Variants in SRSF5 observed in about 807,000 individuals in gnomAD.
SRSF5 encodes the protein serine and arginine rich splicing factor 5.
Under a neutral mutation model 34.0 loss-of-function variants are expected in SRSF5, and 5 were observed. The ratio of observed to expected loss-of-function variants is 0.15; its 90% CI spans 0.08 to 0.31. The LOEUF is 0.31. Ranked by LOEUF, SRSF5 falls within the 10% of genes least tolerant of loss-of-function variation. The pLI is 1.00. For synonymous variants in SRSF5, 164 were observed against 117.7 expected (o/e 1.39, Z -2.55); for missense variants, 223 against 351.4 (o/e 0.63, Z 2.92).
intron 5 of SRSF5, chr14:69,770,254 T>C (rs1032208472): frequency 2.2e-6 from 3 of 1,351,296 alleles, no homozygotes; most frequent in Non-Finnish European, 2.8e-6. Context: ...TGAATTTCTT[T>C]TAGCATTTTG....
chr14:69,767,487 C>T (rs139164757), intron 1 of SRSF5: 1 of 455,862 alleles, frequency 2.2e-6, no homozygotes, highest in African/African-American at 2.0e-5. Flanking sequence ...TGCGCCCGTC[C>T]CTGCCAGTCT....
intron 5 of SRSF5, chr14:69,769,493 A>G (rs1566626946): frequency 2.6e-6 from 4 of 1,535,438 alleles, no homozygotes; most frequent in Non-Finnish European, 3.5e-6. Context: ...ACCAAATATT[A>G]AACCCTTTAT....
intron 4 of SRSF5, 137 bp from the exon 5 acceptor site, chr14:69,769,045 T>A (rs905127550): frequency 6.2e-6 from 8 of 1,287,034 alleles, no homozygotes; most frequent in South Asian, 4.9e-5. Context: ...TGAATCTATA[T>A]GAGTCATAGA....
Position 69,770,481 on chromosome 14 carries a change from C to T in SRSF5, c.381C>T (p.Phe127=), listed in dbSNP as rs768069967. Residue 127 remains phenylalanine (F), a synonymous_variant, in exon 6 of 8, where the codon TTC becomes TTT. Transcript: ENST00000557154. ...SRVSWQDLKD[F]MRQAGEVTFA... ...CTTGTGTTAAGGATCTCAAAGATTT[C>T]ATGAGACAAGCTGGGGAAGTAACGT... 11 of 1,613,940 alleles carry T rather than the reference C, an allele frequency of 6.8e-6. No individual in the cohort carries two copies. The South Asian group carries it at 1.1e-4, about 16-fold the overall frequency.
chr14:69,770,622 A>G, intron 6 of SRSF5, 82 bp downstream of exon 6: 1 of 1,230,384 alleles, frequency 8.1e-7, no homozygotes, highest in Non-Finnish European at 1.2e-6. Flanking sequence ...TTAAAATTTG[A>G]ATATGTTAGA....
chr14:69,770,387 G>C, intron 5 of SRSF5, 80 bp from the exon 6 acceptor site: 1 of 1,561,350 alleles, frequency 6.4e-7, no homozygotes, highest in East Asian at 2.3e-5. Context: ...TCTTTCAGTA[G>C]TCTTGTTTTT....
intron 1 of SRSF5, chr14:69,767,464 T>G (rs1215767184): frequency 2.2e-6 from 1 of 455,998 alleles, no homozygotes; most frequent in Non-Finnish European, 4.4e-6. Flanking sequence ...GGGTCGTTTT[T>G]ACACAGCGGT....
rs936915773 is a variant in SRSF5 at position 69,767,885 on chromosome 14, G to A, written c.-19-253G>A. 6.8e-6 allele frequency: 3 copies of A among 441,378 alleles called. No homozygotes were observed. The East Asian group carries it at 1.4e-4, about 21-fold the overall frequency. The allele number at this position is 441,378 out of a possible 1,614,324, so 27.3% of individuals were successfully genotyped here. A position where few individuals can be genotyped will look rare whatever the true frequency, so the allele number is the denominator to read the frequency against. On this transcript the variant is annotated intron_variant, in intron 1 of 7. Transcript: ENST00000557154. Reference sequence around the variant, plus strand: ...GGGCCGGAGAGCCCGGAGAGTGTGCGGCTGCGCAGTTGGAAAGGTGGCAGT... The same window carrying A: ...GGGCCGGAGAGCCCGGAGAGTGTGCAGCTGCGCAGTTGGAAAGGTGGCAGT...
chr14:69,769,105 G>A (rs748923565), intron 4 of SRSF5, 77 bp from the exon 5 acceptor site: 6 of 1,536,772 alleles, frequency 3.9e-6, no homozygotes, highest in Non-Finnish European at 3.6e-6. Flanking sequence ...ATATCTGATG[G>A]CTTGAACTTG....
intron 5 of SRSF5, chr14:69,770,120 ACTT>A: frequency 2.9e-6 from 3 of 1,036,090 alleles, no homozygotes; most frequent in Middle Eastern, 4.7e-4. Flanking sequence ...TTTAAATAAA[ACTT>A]CTCTACTTTA....
Position 69,769,202 on chromosome 14 carries a change from C to A in SRSF5, c.317C>A (p.Thr106Lys). The change falls in exon 5 of 8, where the codon ACA becomes AAA. Residue 106 changes from threonine (T) to lysine (K), a missense_variant. By Grantham distance (78) the Thr-to-Lys change is moderately conservative. Transcript: ENST00000557154. ...CTCAGAAATGCTCCACCTGTAAGAA[C>A]AGAAAATCGTCTTATAGTTGAGAAT... ...NDRRNAPPVR[T>K]ENRLIVENLS... The A allele has an allele frequency of 6.2e-7, 1 of 1,614,162 alleles. No individual in the cohort carries two copies. Among genetic ancestry groups the A allele is most frequent in the South Asian group, 1.1e-5 (1 of 91,088 alleles).
chr14:69,769,979 A>G, intron 5 of SRSF5: 3 of 1,046,270 alleles, frequency 2.9e-6, no homozygotes, highest in African/African-American at 1.7e-5. Context: ...GGCATATGTC[A>G]TGAAGGTTTC....
chr14:69,771,365 A>G lies in SRSF5; in HGVS notation c.723A>G (p.Lys241=), dbSNP rs1436317648. ...CTCCCGTGCCTGAGAAGAGCCAGAA[A>G]CGTGGTTCTTCAAGTAGATCTAAGT... ...SRSPVPEKSQ[K]RGSSSRSKSP... The change falls in exon 8 of 8, where the codon AAA becomes AAG. Residue 241 remains lysine (K), a synonymous_variant. Transcript: ENST00000557154. 1 of 1,614,200 alleles carries G rather than the reference A, an allele frequency of 6.2e-7. No individual in the cohort carries two copies. The highest frequency in any genetic ancestry group is 1.7e-5 in the Admixed American group (1 of 60,028).
intron 6 of SRSF5, 132 bp downstream of exon 6, chr14:69,770,672 C>T: frequency 3.7e-6 from 3 of 815,854 alleles, no homozygotes; most frequent in African/African-American, 1.7e-5. Flanking sequence ...TGCTTCCCTC[C>T]TCCCCCCCAC....
chr14:69,771,525 C>A lies in SRSF5; in HGVS notation c.*64C>A. 3 of 1,546,956 alleles carry A rather than the reference C, an allele frequency of 1.9e-6. No homozygotes were observed. Among genetic ancestry groups the A allele is most frequent in the Non-Finnish European group, 2.6e-6 (3 of 1,144,746 alleles). ...ACAAAAACCACAAAAATTCCCAAAC[C>A]ATACTTGCTAAAAATTCTGGTAAGT... is the stretch of plus-strand genomic sequence containing the variant. On this transcript the variant is annotated 3_prime_UTR_variant, in exon 8 of 8. Coordinates refer to ENST00000557154, the MANE Select transcript of SRSF5 (RefSeq NM_001320214.2).
chr14:69,770,621 GA>G, intron 6 of SRSF5, 81 bp downstream of exon 6: 1 of 1,227,364 alleles, frequency 8.1e-7, no homozygotes, highest in Non-Finnish European at 1.2e-6. Flanking sequence ...CTTAAAATTT[GA>G]ATATGTTAGA....
intron 1 of SRSF5, 187 bp downstream of exon 1, chr14:69,767,442 C>T (rs755083301): frequency 2.0e-5 from 9 of 455,872 alleles, no homozygotes; most frequent in Admixed American, 1.2e-4. Context: ...GGTGAAAGGG[C>T]GGTCACTGTT....
chr14:69,770,949 G>GA, intron 6 of SRSF5, 46 bp from the exon 7 acceptor site: 6 of 1,513,572 alleles, frequency 4.0e-6, no homozygotes, highest in Non-Finnish European at 5.4e-6. Flanking sequence ...CAATGTGTGA[G>GA]ACTACAGGAT....
At chr14:69,767,798 C>A (rs1023200153) in intron 1 of SRSF5, 10 of 353,404 alleles carry the variant, frequency 2.8e-5, no homozygotes, top group Middle Eastern at 1.0e-3. Context: ...GCTGGCTTTG[C>A]GGAGGGCGCG....
Sources: allele counts gnomAD v4.1 joint callset, GRCh38; gene constraint gnomAD v4.1.1; transcripts MANE v1.5; gene names NCBI Gene and HGNC (gene_info 2026-07-23, HGNC 2026-07-21).